Variants in CERS3 observed in about 807,000 individuals in gnomAD.
The protein encoded by CERS3 is LAG1 homolog, ceramide synthase 3.
CERS3 carries 33 observed loss-of-function variants against 50.3 expected under a neutral mutation model. That is an observed-to-expected ratio of 0.66 (90% CI 0.50 to 0.88). The LOEUF (loss-of-function observed/expected upper bound fraction) is 0.88. Ranked by LOEUF, CERS3 falls within the 40% of genes least tolerant of loss-of-function variation. The pLI, the probability that CERS3 is intolerant of heterozygous loss-of-function variation, is 0.00. For synonymous variants in CERS3, 176 were observed against 155.2 expected (o/e 1.13, Z -0.99); for missense variants, 470 against 460.3 (o/e 1.02, Z -0.19).
chr15:100,424,604 A>C (rs556817024), intron 11 of CERS3, among the ~76,000 whole-genome samples: 1 of 152,334 alleles, frequency 6.6e-6, no homozygotes, highest in East Asian at 1.9e-4. Flanking sequence ...GATCTGTGGA[A>C]TTTTGAACTT....
At chr15:100,479,019 T>C (rs775462461) in intron 7 of CERS3, among the ~76,000 whole-genome samples, 38 of 151,962 alleles carry the variant, frequency 2.5e-4, no homozygotes, top group Non-Finnish European at 2.4e-4. Flanking sequence ...CTGCAATAAG[T>C]CAAGGACATA....
At chr15:100,518,989 G>A (rs1429145859) in intron 2 of CERS3, among the ~76,000 whole-genome samples, 1 of 152,056 alleles carries the variant, frequency 6.6e-6, no homozygotes, top group Non-Finnish European at 1.5e-5. Flanking sequence ...TGGTGAAACC[G>A]TCTCTACTAA....
intron 5 of CERS3, among the ~76,000 whole-genome samples, chr15:100,481,596 C>G (rs377267480): frequency 2.3e-4 from 35 of 152,376 alleles, no homozygotes; most frequent in African/African-American, 7.9e-4. Flanking sequence ...CACGGTGCTG[C>G]GCACACATGC....
At chr15:100,486,913 A>C (rs1460324001) in intron 4 of CERS3, among the ~76,000 whole-genome samples, 2 of 152,256 alleles carry the variant, frequency 1.3e-5, no homozygotes, top group African/African-American at 4.8e-5. Flanking sequence ...GACTTCTGCA[A>C]ATAATTGCCC....
rs141267399 is a variant in CERS3, at chr15:100,402,365, G to A, written c.*348C>T. On this transcript the variant is annotated 3_prime_UTR_variant, in exon 12 of 12. Coordinates refer to ENST00000679737, the MANE Select transcript of CERS3 (RefSeq NM_001378789.1). Reference sequence around the variant, plus strand: ...GAGATCACTTAGCACCTGTGAAAGCGTCCTGAGGACAGGCAAGGTGGCGAG... The same window carrying A: ...GAGATCACTTAGCACCTGTGAAAGCATCCTGAGGACAGGCAAGGTGGCGAG... The A allele has an allele frequency of 4.0e-4, 81 of 201,516 alleles. No individual in the cohort carries two copies. In the East Asian group the frequency reaches 7.1e-3, roughly 18 times the overall value. 12.5% of individuals were successfully genotyped at this position (201,516 alleles called of 1,614,324 possible).
At chr15:100,485,684 T>C (rs1185607074) in intron 4 of CERS3, among the ~76,000 whole-genome samples, 1 of 151,954 alleles carries the variant, frequency 6.6e-6, no homozygotes, top group African/African-American at 2.4e-5. Flanking sequence ...GCCAATATGG[T>C]GAAACCCCAT....
At chr15:100,405,915 CAT>C (rs1219162948) in intron 11 of CERS3, among the ~76,000 whole-genome samples, 1 of 152,232 alleles carries the variant, frequency 6.6e-6, no homozygotes, top group African/African-American at 2.4e-5. Flanking sequence ...AAGTACTACT[CAT>C]GTGGGCATTT....
chr15:100,520,073 G>C (rs1303384347), intron 2 of CERS3, among the ~76,000 whole-genome samples: 1 of 152,160 alleles, frequency 6.6e-6, no homozygotes. Context: ...CCCTGCCTGA[G>C]CAGCTCTGAG....
intron 11 of CERS3, among the ~76,000 whole-genome samples, chr15:100,405,877 G>A: frequency 6.6e-6 from 1 of 152,220 alleles, no homozygotes. Context: ...CAAATACTGT[G>A]GGTTTCCCCA....
intron 1 of CERS3, among the ~76,000 whole-genome samples, chr15:100,526,265 A>G (rs910162882): frequency 1.3e-5 from 2 of 152,164 alleles, no homozygotes; most frequent in African/African-American, 4.8e-5. Flanking sequence ...CGCATCCCAT[A>G]AATTCGTGTT....
At chr15:100,404,481 A>AC (rs1482897602) in intron 11 of CERS3, among the ~76,000 whole-genome samples, 2 of 152,212 alleles carry the variant, frequency 1.3e-5, no homozygotes, top group African/African-American at 4.8e-5. Flanking sequence ...AAGAAGACCT[A>AC]AATAGTTGGA....
rs1172599005 is a variant in CERS3 at position 100,470,971 on chromosome 15, A to G, written c.739-1487T>C. On this transcript the variant is annotated intron_variant, in intron 9 of 11. Transcript: ENST00000679737. ...CATGTCTGGGTTCAATTAGAACTTGATTGTGAAAACAAACCCTAAAACACA... is the reference window on the plus strand; with the variant it reads ...CATGTCTGGGTTCAATTAGAACTTGGTTGTGAAAACAAACCCTAAAACACA... Among the ~76,000 whole-genome samples the G allele has an allele frequency of 2.6e-5, 4 of 152,196 alleles. No homozygotes were observed. In the East Asian group the frequency reaches 7.7e-4, roughly 29 times the overall value.
intron 11 of CERS3, among the ~76,000 whole-genome samples, chr15:100,443,695 A>G (rs1341967261): frequency 1.4e-5 from 2 of 141,344 alleles, no homozygotes; most frequent in Non-Finnish European, 3.2e-5. Context: ...GTCAAGCCCA[A>G]ATTTCTTCCT....
At chr15:100,458,439 AGCCAGGTGTGGTGG>A (rs1232058103) in intron 10 of CERS3, among the ~76,000 whole-genome samples, 1 of 152,076 alleles carries the variant, frequency 6.6e-6, no homozygotes, top group Non-Finnish European at 1.5e-5. Flanking sequence ...TATAAAAATT[AGCCAGGTGTGGTGG>A]CAGGTATCTG....
At chr15:100,517,099 G>A (rs1394731219) in intron 2 of CERS3, among the ~76,000 whole-genome samples, 8 of 152,212 alleles carry the variant, frequency 5.3e-5, no homozygotes. Flanking sequence ...CCAGTTTGAA[G>A]GTCAGTCCTG....
intron 2 of CERS3, among the ~76,000 whole-genome samples, chr15:100,516,550 G>A (rs563903230): frequency 4.6e-5 from 7 of 152,184 alleles, no homozygotes; most frequent in Admixed American, 6.5e-5. Context: ...TCTTATTATC[G>A]TCACCTACTG....
intron 1 of CERS3, among the ~76,000 whole-genome samples, chr15:100,525,541 T>C (rs2036761465): frequency 6.6e-6 from 1 of 152,208 alleles, no homozygotes; most frequent in Non-Finnish European, 1.5e-5. Flanking sequence ...CCTTTGGAAG[T>C]GATCTAACTG....
chr15:100,420,701 G>A (rs1190935255), intron 11 of CERS3, among the ~76,000 whole-genome samples: 8 of 151,060 alleles, frequency 5.3e-5, no homozygotes, highest in Non-Finnish European at 1.2e-4. Flanking sequence ...CTGGCAAAAC[G>A]AATCCAGCAG....
chr15:100,523,091 A>T (rs555673096), intron 1 of CERS3, among the ~76,000 whole-genome samples: 8 of 152,322 alleles, frequency 5.3e-5, no homozygotes, highest in African/African-American at 1.9e-4. Context: ...AAGGTTGAGT[A>T]TGTTTCAAGT....
Sources: allele counts gnomAD v4.1 joint callset (sites outside exome capture counted in the v4.1 genomes callset), GRCh38; gene constraint gnomAD v4.1.1; transcripts MANE v1.5; gene names NCBI Gene and HGNC (gene_info 2026-07-23, HGNC 2026-07-21).